The following SLC20A2 variants were observed in gnomAD, a reference collection of about 807,000 sequenced individuals.
SLC20A2 encodes solute carrier family 20 member 2.
A neutral mutation model predicts 61.0 loss-of-function variants in SLC20A2; 30 were observed. That is an observed-to-expected ratio of 0.49 (90% CI 0.37 to 0.67). SLC20A2 has a LOEUF of 0.67. Among genes scored for constraint, SLC20A2 ranks in the 30% least tolerant of loss-of-function variants. SLC20A2 has a pLI of 0.00. For missense variants in SLC20A2, 626 were observed against 866.4 expected, an observed-to-expected ratio of 0.72 and a Z score of 3.48; for synonymous variants, 351 against 353.3, an observed-to-expected ratio of 0.99 and a Z score of 0.07.
chr8:42,495,387 A>C (rs1174982566), intron 1 of SLC20A2, among the ~76,000 whole-genome samples: 2 of 152,168 alleles, frequency 1.3e-5, no homozygotes, highest in East Asian at 3.8e-4. Context: ...CACAGACTCT[A>C]CTTATATTGA....
At chr8:42,519,700 GC>G (rs1480302183) in intron 1 of SLC20A2, among the ~76,000 whole-genome samples, 2 of 152,096 alleles carry the variant, frequency 1.3e-5, no homozygotes, top group Non-Finnish European at 2.9e-5. Flanking sequence ...CTATGGACCA[GC>G]CCCTGCCTGT....
chr8:42,515,901 T>C (rs938936960), intron 1 of SLC20A2, among the ~76,000 whole-genome samples: 1 of 152,216 alleles, frequency 6.6e-6, no homozygotes, highest in African/African-American at 2.4e-5. Context: ...ATATTGGCAG[T>C]GCACTTCCAC....
rs749389443 is a variant in SLC20A2, at chr8:42,437,249, C to T, written c.1263G>A (p.Val421=). 6.2e-7 allele frequency: 1 copy of T among 1,614,032 alleles called. No homozygotes were observed. The highest frequency in any genetic ancestry group is 8.5e-7 in the Non-Finnish European group (1 of 1,180,048). Residue 421 remains valine, a synonymous_variant, in exon 8 of 11, where the codon GTG becomes GTA. Transcript: ENST00000520262. This position sits in a 1 kb window ranked among gnomAD's most constrained non-coding sequence, Gnocchi z 6.4. ...AGCGCAGCCTCTTCTTGGAGTAGGA[C>T]ACGGTGTCGCCCACCAGCTTCTCAC... is the stretch of plus-strand genomic sequence containing the variant. ...EDSEKLVGDT[V]SYSKKRLRYD...
At chr8:42,490,385 G>A (rs931611988) in intron 1 of SLC20A2, among the ~76,000 whole-genome samples, 4 of 151,972 alleles carry the variant, frequency 2.6e-5, no homozygotes, top group African/African-American at 9.7e-5. Flanking sequence ...ATCACTTGAG[G>A]CCAGGAGTTC....
At chr8:42,458,312 T>C (rs1298145802) in intron 5 of SLC20A2, among the ~76,000 whole-genome samples, 1 of 152,200 alleles carries the variant, frequency 6.6e-6, no homozygotes, top group Non-Finnish European at 1.5e-5. Context: ...TTATTCATTT[T>C]CCTATTCAAG....
At chr8:42,462,326 G>T (rs573775497) in intron 4 of SLC20A2, among the ~76,000 whole-genome samples, 25 of 152,322 alleles carry the variant, frequency 1.6e-4, no homozygotes, top group Non-Finnish European at 2.8e-4. Context: ...AAGCAAGGCT[G>T]CAAGAAAAGG....
chr8:42,435,088 G>T (rs746043862), intron 8 of SLC20A2, among the ~76,000 whole-genome samples: 48 of 152,314 alleles, frequency 3.2e-4, no homozygotes, highest in Non-Finnish European at 5.3e-4. Flanking sequence ...TGCTTGATGA[G>T]GAGGAGGAAG....
In SLC20A2 at chr8:42,417,166, TAC is replaced by T. The variant is rs1415461266; in HGVS notation, c.*635_*636del. The T allele has an allele frequency of 6.5e-6, 1 of 152,690 alleles. No individual in the cohort carries two copies. Among genetic ancestry groups the T allele is most frequent in the African/African-American group, 2.4e-5 (1 of 41,438 alleles). 9.5% of individuals were successfully genotyped at this position (152,690 alleles called of 1,614,324 possible). A position where few individuals can be genotyped will look rare whatever the true frequency, so the allele number is the denominator to read the frequency against. On this transcript the variant is annotated 3_prime_UTR_variant, in exon 11 of 11. Coordinates refer to ENST00000520262, the MANE Select transcript of SLC20A2 (RefSeq NM_001257180.2). ...TAAGGGAAGCACACCATTAAAAAAT[TAC>T]AGTTTTACGTATTTACAAAAGCAAT... is the stretch of plus-strand genomic sequence containing the variant.
chr8:42,456,854 G>A lies in SLC20A2; in HGVS notation c.613+3042C>T, dbSNP rs541567649. ...TATGAGATGTTTGAGGGATTCACATGCTAGGTGGTGCGCTTAACTCCATGG... is the reference window on the plus strand; with the variant it reads ...TATGAGATGTTTGAGGGATTCACATACTAGGTGGTGCGCTTAACTCCATGG... On this transcript the variant is annotated intron_variant, in intron 5 of 10. Transcript: ENST00000520262. 3.9e-5 allele frequency among the ~76,000 whole-genome samples: 6 copies of A among 152,140 alleles called. No homozygotes were observed. The South Asian group carries it at 1.0e-3, about 26-fold the overall frequency.
intron 1 of SLC20A2, among the ~76,000 whole-genome samples, chr8:42,495,906 C>T (rs1212481726): frequency 2.0e-5 from 3 of 152,132 alleles, no homozygotes; most frequent in East Asian, 1.9e-4. Flanking sequence ...TGCGCCACCA[C>T]GCCCGGCTAA....
At chr8:42,520,393 T>G (rs1811575129) in intron 1 of SLC20A2, among the ~76,000 whole-genome samples, 1 of 151,850 alleles carries the variant, frequency 6.6e-6, no homozygotes, top group Non-Finnish European at 1.5e-5. Context: ...TAAGTAAAAA[T>G]TAACCTCTAC....
In SLC20A2 at chr8:42,417,780, G is replaced by A; in HGVS notation, c.*23C>T. The A allele has an allele frequency of 1.2e-6, 2 of 1,612,508 alleles. No individual in the cohort carries two copies. Among genetic ancestry groups the A allele is most frequent in the South Asian group, 1.1e-5 (1 of 91,042 alleles). On this transcript the variant is annotated 3_prime_UTR_variant, in exon 11 of 11. Transcript: ENST00000520262. ...CCAACACCAGACCATCCCTTTAGCT[G>A]TTTGCAGCTGGAAGAAGACAAATCA...
chr8:42,530,395 A>G (rs1812245287), intron 1 of SLC20A2, among the ~76,000 whole-genome samples: 1 of 152,216 alleles, frequency 6.6e-6, no homozygotes, highest in Non-Finnish European at 1.5e-5. Flanking sequence ...TATATAACCC[A>G]GTGTTGGGAT....
intron 5 of SLC20A2, among the ~76,000 whole-genome samples, chr8:42,459,619 A>G (rs1289935089): frequency 6.6e-6 from 1 of 152,150 alleles, no homozygotes; most frequent in African/African-American, 2.4e-5. Context: ...GTGGGGATTT[A>G]ATTTTTTTTT....
chr8:42,483,078 G>A (rs1808675933), intron 1 of SLC20A2, among the ~76,000 whole-genome samples: 1 of 151,110 alleles, frequency 6.6e-6, no homozygotes, highest in Non-Finnish European at 1.5e-5. Context: ...GGGCACAGTG[G>A]CTCACGCCTG....
chr8:42,483,483 T>C (rs1002674203), intron 1 of SLC20A2, among the ~76,000 whole-genome samples: 1 of 152,154 alleles, frequency 6.6e-6, no homozygotes, highest in Admixed American at 6.5e-5. Context: ...TCCCCAGCAG[T>C]AGAGACTTTT....
chr8:42,477,832 G>A (rs1233272799), intron 1 of SLC20A2, among the ~76,000 whole-genome samples: 1 of 151,874 alleles, frequency 6.6e-6, no homozygotes, highest in African/African-American at 2.4e-5. Context: ...AACACTAAAA[G>A]GGCGCTAAGA....
At chr8:42,459,249 A>T (rs992717411) in intron 5 of SLC20A2, among the ~76,000 whole-genome samples, 1 of 137,362 alleles carries the variant, frequency 7.3e-6, no homozygotes, top group African/African-American at 3.2e-5. Flanking sequence ...AAAAAAAAAA[A>T]AAAAAAAAAA....
At chr8:42,464,923 C>A (rs749015611) in intron 3 of SLC20A2, among the ~76,000 whole-genome samples, 9 of 151,988 alleles carry the variant, frequency 5.9e-5, no homozygotes, top group Non-Finnish European at 1.0e-4. Flanking sequence ...TGCAGTGAGC[C>A]GAGATTGCGC....
Sources: allele counts gnomAD v4.1 joint callset (sites outside exome capture counted in the v4.1 genomes callset), GRCh38; gene constraint gnomAD v4.1.1; non-coding constraint Gnocchi (gnomAD v3.1); transcripts MANE v1.5; gene names NCBI Gene and HGNC (gene_info 2026-07-23, HGNC 2026-07-21).